The following TEX9 variants were observed in gnomAD, a reference collection of about 807,000 sequenced individuals.
TEX9 encodes testis expressed 9.
A neutral mutation model predicts 59.6 loss-of-function variants in TEX9; 74 were observed. The ratio of observed to expected loss-of-function variants is 1.24; its 90% confidence interval spans 1.03 to 1.51. The LOEUF (loss-of-function observed/expected upper bound fraction) is 1.51. Ranked by LOEUF, TEX9 falls within the 40% of genes most tolerant of loss-of-function variation. The probability of loss-of-function intolerance (pLI) is 0.00; values close to 1 mark genes in which losing one functional copy is unlikely to be tolerated. For missense variants in TEX9, 522 were observed against 447.8 expected, an observed-to-expected ratio of 1.17 and a Z score of -1.49; for synonymous variants, 186 against 152.2, an observed-to-expected ratio of 1.22 and a Z score of -1.64.
intron 1 of TEX9, among the ~76,000 whole-genome samples, chr15:56,355,119 C>G (rs2046660541): frequency 6.6e-6 from 1 of 152,154 alleles, no homozygotes; most frequent in Non-Finnish European, 1.5e-5. Context: ...CGCCTTCCTC[C>G]CATTCCCAGT....
chr15:56,366,662 T>C (rs1048839432), intron 2 of TEX9, among the ~76,000 whole-genome samples: 6 of 152,176 alleles, frequency 3.9e-5, no homozygotes, highest in African/African-American at 1.4e-4. Context: ...TACATACCCT[T>C]ATAAAAAAGT....
downstream of TEX9, among the ~76,000 whole-genome samples, chr15:56,450,254 T>C (rs35227159): frequency 0.014 from 2,106 of 152,342 alleles, 32 homozygotes; most frequent in Admixed American, 0.024. Context: ...TTTTTTATCA[T>C]GTGAAAATAT....
chr15:56,317,075 G>A (rs969295011), intron 1 of TEX9, among the ~76,000 whole-genome samples: 23 of 152,094 alleles, frequency 1.5e-4, no homozygotes, highest in South Asian at 2.1e-4. Flanking sequence ...AGATGAACCC[G>A]GTACCTCAGA....
In TEX9 at chr15:56,312,487, C is replaced by G. The variant is rs1346548650; in HGVS notation, c.-106-60954C>G. Among the ~76,000 whole-genome samples the G allele has an allele frequency of 3.2e-4, 48 of 148,202 alleles. 1 individual carries two copies. The highest frequency in any genetic ancestry group is 1.1e-3 in the African/African-American group (44 of 39,644). On this transcript the variant is annotated intron_variant, in intron 1 of 5. Coordinates refer to the TEX9 transcript ENST00000560827. ...CGGCATTATTTCTGAGGGCTCTGTTCTGTTCCATTGATCTATATCTCTGTT... is the reference window on the plus strand; with the variant it reads ...CGGCATTATTTCTGAGGGCTCTGTTGTGTTCCATTGATCTATATCTCTGTT...
upstream of TEX9, among the ~76,000 whole-genome samples, chr15:56,361,138 C>A (rs372879002): frequency 6.6e-6 from 1 of 152,160 alleles, no homozygotes; most frequent in Non-Finnish European, 1.5e-5. Flanking sequence ...TTGGTTAGCA[C>A]AGCTATAAGT....
intron 1 of TEX9, among the ~76,000 whole-genome samples, chr15:56,352,576 C>T (rs900533280): frequency 2.6e-5 from 4 of 151,988 alleles, no homozygotes; most frequent in African/African-American, 9.7e-5. Context: ...TCAAGCATTG[C>T]CATTTGTCTT....
At chr15:56,299,757 C>T (rs1385495665) in intron 1 of TEX9, among the ~76,000 whole-genome samples, 3 of 152,030 alleles carry the variant, frequency 2.0e-5, no homozygotes, top group Admixed American at 1.3e-4. Context: ...GCCCTTGCTC[C>T]AAAATGACAT....
At chr15:56,275,863 A>G (rs948272467) in intron 1 of TEX9, among the ~76,000 whole-genome samples, 1 of 152,016 alleles carries the variant, frequency 6.6e-6, no homozygotes, top group Non-Finnish European at 1.5e-5. Flanking sequence ...CTTGCAATAA[A>G]TTGCCTTCAT....
chr15:56,415,366 T>C (rs1207584877), intron 10 of TEX9, among the ~76,000 whole-genome samples: 1 of 151,954 alleles, frequency 6.6e-6, no homozygotes, highest in Non-Finnish European at 1.5e-5. Context: ...TTTATAGTTT[T>C]GGGTTTTCCA....
chr15:56,311,237 CA>C (rs1217132461), intron 1 of TEX9, among the ~76,000 whole-genome samples: 128 of 142,440 alleles, frequency 9.0e-4, no homozygotes, highest in Middle Eastern at 3.5e-3. Flanking sequence ...TGGTGCGCTG[CA>C]CCCACTAACT....
intron 12 of TEX9, chr15:56,444,658 T>C: frequency 1.2e-6 from 2 of 1,611,272 alleles, no homozygotes; most frequent in African/African-American, 1.3e-5. Context: ...GTTTTGGCTA[T>C]TTCAGCATCA....
intron 2 of TEX9, among the ~76,000 whole-genome samples, chr15:56,367,512 C>A (rs1052353286): frequency 3.3e-5 from 5 of 152,150 alleles, no homozygotes; most frequent in Admixed American, 6.5e-5. Context: ...AGATGCTAAT[C>A]GCTCAAGTGG....
At chr15:56,268,268 A>G (rs147246485) in intron 1 of TEX9, among the ~76,000 whole-genome samples, 3,513 of 152,274 alleles carry the variant, frequency 0.023, 133 homozygotes, top group African/African-American at 0.079. Context: ...TGTCATCTGC[A>G]AACAGGGACA....
intron 4 of TEX9, among the ~76,000 whole-genome samples, chr15:56,384,695 A>T (rs1472974224): frequency 6.6e-6 from 1 of 152,182 alleles, no homozygotes; most frequent in African/African-American, 2.4e-5. Context: ...GGGAGCCAGC[A>T]AGGAAACTGA....
chr15:56,290,397 C>G (rs2045060552), intron 1 of TEX9, among the ~76,000 whole-genome samples: 1 of 151,988 alleles, frequency 6.6e-6, no homozygotes, highest in Non-Finnish European at 1.5e-5. Flanking sequence ...TTCTTTTTTG[C>G]TCCTAGTGAT....
At chr15:56,402,774 G>A (rs1230185607) in intron 9 of TEX9, among the ~76,000 whole-genome samples, 1 of 152,146 alleles carries the variant, frequency 6.6e-6, no homozygotes, top group South Asian at 2.1e-4. Context: ...ATATCAAAAA[G>A]CTTATCCAAC....
intron 1 of TEX9, among the ~76,000 whole-genome samples, chr15:56,349,218 T>C (rs1171687983): frequency 1.3e-5 from 2 of 152,214 alleles, no homozygotes; most frequent in East Asian, 3.8e-4. Context: ...TATGAATGCT[T>C]ATGTTGTAGA....
intron 10 of TEX9, chr15:56,421,894 CTT>C (rs1464205670): frequency 6.6e-6 from 1 of 151,366 alleles, no homozygotes; most frequent in Non-Finnish European, 1.5e-5. Flanking sequence ...GGTTCCAACT[CTT>C]TGCTATTGTG....
intron 1 of TEX9, among the ~76,000 whole-genome samples, chr15:56,318,972 C>T (rs2045841470): frequency 2.0e-5 from 3 of 152,056 alleles, no homozygotes; most frequent in South Asian, 2.1e-4. Context: ...ATAACATGCC[C>T]ACATCCATAC....
Sources: allele counts gnomAD v4.1 joint callset (sites outside exome capture counted in the v4.1 genomes callset), GRCh38; gene constraint gnomAD v4.1.1; transcripts MANE v1.5; gene names NCBI Gene and HGNC (gene_info 2026-07-23, HGNC 2026-07-21).